CDKL2: variants seen among roughly 807,000 people sequenced by gnomAD.
The protein encoded by CDKL2 is cyclin-dependent kinase-like 2.
A neutral mutation model predicts 63.9 loss-of-function variants in CDKL2; 64 were observed. The observed-to-expected ratio is 1.00, with a 90% CI of 0.82 to 1.23. The LOEUF is 1.23. CDKL2 is among the 50% of genes most tolerant of loss of function. The probability of loss-of-function intolerance (pLI) is 0.00; values close to 1 mark genes in which losing one functional copy is unlikely to be tolerated. For synonymous variants in CDKL2, 211 were observed against 229.2 expected (o/e 0.92, Z 0.72); for missense variants, 656 against 668.0 (o/e 0.98, Z 0.20).
At chr4:75,627,415 G>C (rs1425801270) in intron 1 of CDKL2, among the ~76,000 whole-genome samples, 2 of 151,886 alleles carry the variant, frequency 1.3e-5, no homozygotes, top group African/African-American at 4.8e-5. Context: ...GGGATTATAG[G>C]CGTGAGCCAC....
chr4:75,598,811 T>A (rs1208391144), intron 7 of CDKL2, among the ~76,000 whole-genome samples: 1 of 152,158 alleles, frequency 6.6e-6, no homozygotes, highest in Non-Finnish European at 1.5e-5. Flanking sequence ...AACTAGATAT[T>A]TTTACTTGAA....
At chr4:75,582,393 A>T (rs1728299145) in intron 12 of CDKL2, among the ~76,000 whole-genome samples, 1 of 152,240 alleles carries the variant, frequency 6.6e-6, no homozygotes, top group Non-Finnish European at 1.5e-5. Context: ...CTGAAATTTT[A>T]AAATCTCACT....
At chr4:75,583,312 T>C (rs776696227) in intron 12 of CDKL2, among the ~76,000 whole-genome samples, 62 of 152,232 alleles carry the variant, frequency 4.1e-4, no homozygotes, top group Non-Finnish European at 7.6e-4. Flanking sequence ...TTTTTTGTTG[T>C]TAATTATTTA....
intron 4 of CDKL2, among the ~76,000 whole-genome samples, chr4:75,606,637 G>A (rs1159188603): frequency 6.6e-6 from 1 of 152,188 alleles, no homozygotes; most frequent in African/African-American, 2.4e-5. Flanking sequence ...TTATAAAATG[G>A]CACAAAAATT....
At position 75,608,088 on chromosome 4, in the gene CDKL2, T is replaced by C. The variant is rs572162024; in HGVS notation, c.364-727A>G. ...CCTCGGCCTCCCGAAGTGCTGAGAT[T>C]ACAGGCGTGAGCCACCGCGCCCGGG... On this transcript the variant is annotated intron_variant, in intron 3 of 13. Coordinates refer to ENST00000307465, the MANE Select transcript of CDKL2 (RefSeq NM_001330724.2). Among the ~76,000 whole-genome samples, 13 of 148,300 alleles carry C rather than the reference T, an allele frequency of 8.8e-5. No individual in the cohort carries two copies. The South Asian group carries it at 2.8e-3, about 32-fold the overall frequency.
chr4:75,582,151 C>A (rs549574839), intron 12 of CDKL2, among the ~76,000 whole-genome samples: 9 of 152,262 alleles, frequency 5.9e-5, no homozygotes, highest in African/African-American at 2.2e-4. Flanking sequence ...TTCTGATCTG[C>A]CAAGGCAGTG....
chr4:75,608,627 T>C (rs899585876), intron 3 of CDKL2, among the ~76,000 whole-genome samples: 3 of 151,774 alleles, frequency 2.0e-5, no homozygotes, highest in Admixed American at 2.0e-4. Flanking sequence ...CAGTATGAGG[T>C]GATAAAGGCC....
chr4:75,622,715 CAAAAAAAAAA>C (rs1171964321), intron 2 of CDKL2, among the ~76,000 whole-genome samples: 33 of 13,956 alleles, frequency 2.4e-3, no homozygotes, highest in East Asian at 3.3e-3. Context: ...AAGACTCCAT[CAAAAAAAAAA>C]AAAAAAAAAA....
chr4:75,589,982 CAAAAAAA>C (rs769808423), intron 12 of CDKL2, among the ~76,000 whole-genome samples: 1 of 99,670 alleles, frequency 1.0e-5, no homozygotes, highest in Non-Finnish European at 2.1e-5. Flanking sequence ...ACCATGTGTC[CAAAAAAA>C]AAAAAAAAGA....
intron 12 of CDKL2, among the ~76,000 whole-genome samples, chr4:75,583,784 TA>T (rs1484723228): frequency 6.6e-6 from 1 of 152,058 alleles, no homozygotes; most frequent in African/African-American, 2.4e-5. Context: ...TACGAAAAAT[TA>T]GTGATGTATA....
chr4:75,584,251 G>C (rs1728377647), intron 12 of CDKL2, among the ~76,000 whole-genome samples: 1 of 152,214 alleles, frequency 6.6e-6, no homozygotes, highest in Non-Finnish European at 1.5e-5. Flanking sequence ...GTGTAAGAGA[G>C]ATTTGACCAC....
intron 13 of CDKL2, among the ~76,000 whole-genome samples, chr4:75,580,623 C>T (rs918747831): frequency 4.3e-4 from 63 of 145,520 alleles, no homozygotes; most frequent in African/African-American, 1.4e-3. Context: ...GCCGAGATCA[C>T]GCCACTGCAC....
At chr4:75,613,364 A>G (rs1393383953) in intron 3 of CDKL2, among the ~76,000 whole-genome samples, 2 of 152,178 alleles carry the variant, frequency 1.3e-5, no homozygotes, top group Non-Finnish European at 2.9e-5. Flanking sequence ...AAAGAAATAT[A>G]TCAATTTAGG....
At chr4:75,599,548 C>CAAAAAAA (rs71657365) in intron 7 of CDKL2, among the ~76,000 whole-genome samples, 163 of 69,570 alleles carry the variant, frequency 2.3e-3, no homozygotes, top group African/African-American at 3.5e-3. Flanking sequence ...GCAACAAGAG[C>CAAAAAAA]AAAAAAAAAA....
intron 3 of CDKL2, among the ~76,000 whole-genome samples, chr4:75,609,102 T>C (rs1729560903): frequency 6.6e-6 from 1 of 152,206 alleles, no homozygotes; most frequent in Non-Finnish European, 1.5e-5. Flanking sequence ...TGGTTTCATT[T>C]TCAAAATTAG....
intron 10 of CDKL2, chr4:75,596,037 G>A (rs997108231): frequency 1.6e-5 from 4 of 247,456 alleles, no homozygotes; most frequent in Non-Finnish European, 2.8e-5. Flanking sequence ...AGGAAGAAAG[G>A]AAGGAAGGAG....
chr4:75,580,012 C>A (rs181936113), intron 13 of CDKL2, among the ~76,000 whole-genome samples: 2 of 152,296 alleles, frequency 1.3e-5, no homozygotes, highest in Non-Finnish European at 2.9e-5. Context: ...TGACTCATGA[C>A]TGTAATCCCA....
At chr4:75,608,776 T>C (rs906265863) in intron 3 of CDKL2, among the ~76,000 whole-genome samples, 2 of 151,894 alleles carry the variant, frequency 1.3e-5, no homozygotes, top group Non-Finnish European at 2.9e-5. Context: ...GGCAGATCAC[T>C]TGAGGTCAGG....
chr4:75,589,714 A>G (rs1312456398), intron 12 of CDKL2, among the ~76,000 whole-genome samples: 2 of 152,176 alleles, frequency 1.3e-5, no homozygotes, highest in Non-Finnish European at 2.9e-5. Context: ...ACATTTACAA[A>G]TGTTTATATA....
Sources: allele counts gnomAD v4.1 joint callset (sites outside exome capture counted in the v4.1 genomes callset), GRCh38; gene constraint gnomAD v4.1.1; transcripts MANE v1.5; gene names NCBI Gene and HGNC (gene_info 2026-07-23, HGNC 2026-07-21).